Variants in SH2D4B observed in about 807,000 individuals in gnomAD.
The protein encoded by SH2D4B is SH2 domain containing 4B, also known as SH2 domain-containing protein 4B.
SH2D4B carries 45 observed loss-of-function variants against 61.5 expected under a neutral mutation model. That is an observed-to-expected ratio of 0.73 (90% CI 0.58 to 0.94). SH2D4B has a LOEUF of 0.94. Ranked by LOEUF, SH2D4B falls within the 40% of genes least tolerant of loss-of-function variation. The pLI is 0.00. For missense variants in SH2D4B, 572 were observed against 574.2 expected (o/e 1.00, Z 0.04); for synonymous variants, 224 against 220.4 (o/e 1.02, Z -0.14).
At chr10:80,579,448 C>T (rs1589343001) in intron 3 of SH2D4B, among the ~76,000 whole-genome samples, 2 of 152,132 alleles carry the variant, frequency 1.3e-5, no homozygotes, top group South Asian at 2.1e-4. Flanking sequence ...TTATTTCCCC[C>T]GTGCTTTCTT....
chr10:80,594,790 G>A (rs914813986), intron 4 of SH2D4B, among the ~76,000 whole-genome samples: 2 of 152,128 alleles, frequency 1.3e-5, no homozygotes, highest in Admixed American at 1.3e-4. Flanking sequence ...TGGAAGAGAG[G>A]ATTTTCAGAG....
At chr10:80,553,438 A>G (rs930044259) in intron 1 of SH2D4B, among the ~76,000 whole-genome samples, 1 of 152,242 alleles carries the variant, frequency 6.6e-6, no homozygotes, top group Non-Finnish European at 1.5e-5. Flanking sequence ...CCTCACTGGC[A>G]CATTGATTCT....
At chr10:80,620,343 T>C (rs527310210) in intron 6 of SH2D4B, among the ~76,000 whole-genome samples, 45 of 152,294 alleles carry the variant, frequency 3.0e-4, no homozygotes, top group African/African-American at 1.1e-3. Flanking sequence ...ATGTGCTCGC[T>C]TCCCCTTCAC....
At chr10:80,545,318 C>T (rs1379719473) in intron 1 of SH2D4B, among the ~76,000 whole-genome samples, 1 of 151,968 alleles carries the variant, frequency 6.6e-6, no homozygotes, top group African/African-American at 2.4e-5. Context: ...TTTGCCTCTT[C>T]CTCCTCTTTC....
At chr10:80,575,907 GGA>G (rs1842119906) in intron 3 of SH2D4B, among the ~76,000 whole-genome samples, 2 of 152,218 alleles carry the variant, frequency 1.3e-5, no homozygotes, top group African/African-American at 2.4e-5. Context: ...AACCCACAGT[GGA>G]GAGATACTTA....
chr10:80,570,754 C>T (rs1469966708), intron 2 of SH2D4B, among the ~76,000 whole-genome samples: 1 of 152,180 alleles, frequency 6.6e-6, no homozygotes, highest in Non-Finnish European at 1.5e-5. Context: ...AGAAACCCAA[C>T]TTATTGGTCT....
chr10:80,587,915 A>T (rs1408341202), intron 3 of SH2D4B, among the ~76,000 whole-genome samples: 1 of 152,158 alleles, frequency 6.6e-6, no homozygotes, highest in Non-Finnish European at 1.5e-5. Context: ...ACTGCAGAGG[A>T]CGTGACTTCA....
chr10:80,566,349 G>A (rs1841969081), intron 1 of SH2D4B, among the ~76,000 whole-genome samples: 2 of 147,532 alleles, frequency 1.4e-5, no homozygotes, highest in Non-Finnish European at 3.0e-5. Context: ...AGGCTGGAGT[G>A]CAGTGGCGTG....
intron 6 of SH2D4B, among the ~76,000 whole-genome samples, chr10:80,615,988 G>A (rs1427533070): frequency 6.6e-6 from 1 of 152,100 alleles, no homozygotes; most frequent in African/African-American, 2.4e-5. Context: ...ATCAGGAACC[G>A]AGGCACGTGC....
chr10:80,582,987 C>T (rs191542603), intron 3 of SH2D4B, among the ~76,000 whole-genome samples: 15 of 152,300 alleles, frequency 9.8e-5, no homozygotes, highest in Non-Finnish European at 1.2e-4. Context: ...GAGCAAAGTC[C>T]TCCTCTCAAT....
intron 1 of SH2D4B, among the ~76,000 whole-genome samples, chr10:80,548,421 C>T (rs1184271764): frequency 6.6e-6 from 1 of 152,182 alleles, no homozygotes; most frequent in African/African-American, 2.4e-5. Context: ...ACCTCGGCCT[C>T]CCAAAGTGCT....
At chr10:80,582,158 C>A (rs368558200) in intron 3 of SH2D4B, among the ~76,000 whole-genome samples, 214 of 152,262 alleles carry the variant, frequency 1.4e-3, no homozygotes, top group African/African-American at 5.0e-3. Context: ...TTTTTCCAGG[C>A]TACCACCTCC....
intron 4 of SH2D4B, among the ~76,000 whole-genome samples, chr10:80,592,007 A>G (rs1842333811): frequency 6.6e-6 from 1 of 152,192 alleles, no homozygotes; most frequent in African/African-American, 2.4e-5. Flanking sequence ...CTTATTAGCA[A>G]TGTATGAGGG....
At chr10:80,590,502 C>G (rs1198102669) in intron 4 of SH2D4B, among the ~76,000 whole-genome samples, 1 of 152,098 alleles carries the variant, frequency 6.6e-6, no homozygotes, top group Non-Finnish European at 1.5e-5. Context: ...GATTAATACA[C>G]GTGGACAGTG....
intron 6 of SH2D4B, among the ~76,000 whole-genome samples, chr10:80,629,268 T>C (rs1446832166): frequency 6.6e-6 from 1 of 152,054 alleles, no homozygotes; most frequent in African/African-American, 2.4e-5. Context: ...GGGAAGATCC[T>C]ACAGACTTTT....
At chr10:80,623,704 T>G (rs1193035512) in intron 6 of SH2D4B, among the ~76,000 whole-genome samples, 1 of 152,220 alleles carries the variant, frequency 6.6e-6, no homozygotes, top group Admixed American at 6.5e-5. Context: ...TACCCCATAC[T>G]TACCTATATT....
intron 3 of SH2D4B, among the ~76,000 whole-genome samples, chr10:80,577,449 C>T (rs558307026): frequency 3.2e-4 from 46 of 144,610 alleles, no homozygotes; most frequent in South Asian, 1.3e-3. Flanking sequence ...TTTTTTGAGA[C>T]GGAGTCTCGC....
chr10:80,585,802 G>T (rs1188062768), intron 3 of SH2D4B, among the ~76,000 whole-genome samples: 2 of 152,178 alleles, frequency 1.3e-5, no homozygotes, highest in Admixed American at 1.3e-4. Context: ...TCAGCCCACC[G>T]CTGCACTGTA....
intron 1 of SH2D4B, among the ~76,000 whole-genome samples, chr10:80,542,567 T>G (rs992686170): frequency 6.6e-6 from 1 of 151,760 alleles, no homozygotes; most frequent in Non-Finnish European, 1.5e-5. Flanking sequence ...CCAGCTAATT[T>G]TTGTATTTAA....
Sources: gnomAD v4.1 joint callset for allele counts (sites outside exome capture counted in the v4.1 genomes callset) on GRCh38, gnomAD v4.1.1 for gene constraint, MANE v1.5 for transcripts, NCBI Gene and HGNC (gene_info 2026-07-23, HGNC 2026-07-21) for gene names.